The following ERBB2 variants were observed in gnomAD, a reference collection of about 807,000 sequenced individuals.
ERBB2 encodes the protein receptor tyrosine-protein kinase erbB-2.
Under a neutral mutation model 149.0 loss-of-function variants are expected in ERBB2, and 61 were observed. The observed-to-expected ratio is 0.41, with a 90% CI of 0.33 to 0.51. The LOEUF (loss-of-function observed/expected upper bound fraction) is 0.51, where lower values mean the gene tolerates loss of function less well. Ranked by LOEUF, ERBB2 falls within the 20% of genes least tolerant of loss-of-function variation. The pLI, the probability that ERBB2 is intolerant of heterozygous loss-of-function variation, is 0.25. For missense variants in ERBB2, 1,205 were observed against 1,655.1 expected (o/e 0.73, Z 4.72); for synonymous variants, 633 against 678.8 (o/e 0.93, Z 1.05).
At chr17:39,710,229 T>G (rs2058716181) in intron 6 of ERBB2, 28 bp downstream of exon 6, 1 of 1,609,634 alleles carries the variant, frequency 6.2e-7, no homozygotes, top group Non-Finnish European at 8.5e-7. Context: ...GTGCCCAATG[T>G]GCTCTACCCC....
chr17:39,697,913 C>T (rs573196625), upstream of ERBB2, among the ~76,000 whole-genome samples: 9 of 151,788 alleles, frequency 5.9e-5, no homozygotes, highest in Non-Finnish European at 1.3e-4. Context: ...AGGCTGGTCT[C>T]GAACTCCTGA....
rs765387989 is a variant in ERBB2 at position 39,723,420 on chromosome 17, G to C, written c.2048G>C (p.Arg683Pro). 4 of 1,614,078 alleles carry C rather than the reference G, an allele frequency of 2.5e-6. No individual in the cohort carries two copies. In the Admixed American group the frequency reaches 6.7e-5, roughly 27 times the overall value. ...ILIKRRQQKI[R>P]KYTMRRLLQE... ...ATCAAGCGACGGCAGCAGAAGATCCGGAAGTACACGATGCGGAGACTGCTG... is the reference window on the plus strand; with the variant it reads ...ATCAAGCGACGGCAGCAGAAGATCCCGAAGTACACGATGCGGAGACTGCTG... Residue 683 changes from arginine (R) to proline (P), a missense_variant, in exon 17 of 27, where the codon CGG becomes CCG. Arg to Pro is a moderately radical substitution (Grantham distance 103). Around this residue, in one of 6 missense-constraint regions of ERBB2, gnomAD observed 569 missense variants for 803.5 expected, o/e 0.71. Coordinates refer to ENST00000269571, the MANE Select transcript of ERBB2 (RefSeq NM_004448.4). The surrounding 1 kb of genome is among the most constrained non-coding windows in gnomAD (Gnocchi z 6.2).
intron 15 of ERBB2, 56 bp from the exon 16 acceptor site, chr17:39,719,731 G>C: frequency 1.3e-6 from 2 of 1,571,264 alleles, no homozygotes; most frequent in Non-Finnish European, 1.8e-6. Context: ...AGGCTGGAAA[G>C]GTGGTTCCCA....
At position 39,716,598 on chromosome 17, in the gene ERBB2, T is replaced by G. The variant is rs778479390; in HGVS notation, c.1730T>G (p.Phe577Cys). 1.2e-6 allele frequency: 2 copies of G among 1,613,900 alleles called. No individual in the cohort carries two copies. The highest frequency in any genetic ancestry group is 1.7e-6 in the Non-Finnish European group (2 of 1,179,944). ...CCCCAGAATGGCTCAGTGACCTGTTTTGGACCGGTGAGCTGCTGGCGGGCT... is the reference window on the plus strand; with the variant it reads ...CCCCAGAATGGCTCAGTGACCTGTTGTGGACCGGTGAGCTGCTGGCGGGCT... The part of the protein sequence containing the change: ...CQPQNGSVTC[F>C]GPEADQCVAC... The change falls in exon 14 of 27, where the codon TTT (phenylalanine) becomes TGT (cysteine). Residue 577 changes from phenylalanine to cysteine, a missense_variant. Around this residue, in one of 6 missense-constraint regions of ERBB2, gnomAD observed 569 missense variants for 803.5 expected, o/e 0.71. Transcript: ENST00000269571.
chr17:39,712,101 C>G (rs1470127089), intron 8 of ERBB2, 54 bp downstream of exon 8: 1 of 1,611,786 alleles, frequency 6.2e-7, no homozygotes, highest in South Asian at 1.1e-5. Context: ...TCTGCGCATG[C>G]AGCCTGGCCC....
chr17:39,711,885 C>T (rs370852887), intron 7 of ERBB2, 43 bp from the exon 8 acceptor site: 46 of 1,612,468 alleles, frequency 2.9e-5, no homozygotes, highest in Admixed American at 8.3e-5. Context: ...TGGTGGTGCA[C>T]GAAGGGCCAG....
At chr17:39,704,600 G>T (rs894352801) in intron 1 of ERBB2, among the ~76,000 whole-genome samples, 1 of 152,130 alleles carries the variant, frequency 6.6e-6, no homozygotes, top group Non-Finnish European at 1.5e-5. Context: ...GGACAGGGCA[G>T]ATATGGGGAC....
intron 15 of ERBB2, among the ~76,000 whole-genome samples, chr17:39,718,345 T>C (rs1258354366): frequency 6.6e-6 from 1 of 152,220 alleles, no homozygotes; most frequent in Non-Finnish European, 1.5e-5. Flanking sequence ...ACGTGCCCTT[T>C]CACTCAACTC....
chr17:39,707,688 C>T (rs1340159770), intron 2 of ERBB2: 1 of 153,156 alleles, frequency 6.5e-6, no homozygotes, highest in Admixed American at 6.5e-5. Context: ...AATGGGGCCA[C>T]ATGCTTGGTT....
intron 11 of ERBB2, 75 bp downstream of exon 11, chr17:39,715,611 A>G (rs2059075143): frequency 6.4e-7 from 1 of 1,552,990 alleles, no homozygotes; most frequent in Non-Finnish European, 8.9e-7. Flanking sequence ...TTTGGGCCTG[A>G]GGGAGTACTC....
intron 1 of ERBB2, among the ~76,000 whole-genome samples, chr17:39,705,915 C>T (rs1042455530): frequency 6.6e-6 from 1 of 152,128 alleles, no homozygotes; most frequent in Non-Finnish European, 1.5e-5. Context: ...CCCTCTGCCC[C>T]CACCCTTCCG....
At position 39,727,434 on chromosome 17, in the gene ERBB2, G is replaced by A. The variant is rs1390533531; in HGVS notation, c.3299G>A (p.Ser1100Asn). ...LGMGAAKGLQSLPTHDPSPLQ... is the reference protein window; with the variant it reads ...LGMGAAKGLQNLPTHDPSPLQ... ...ATGGGGGCAGCCAAGGGGCTGCAAA[G>A]CCTCCCCACACATGACCCCAGCCCT... is the stretch of plus-strand genomic sequence containing the variant. Residue 1100 changes from serine (S) to asparagine (N), a missense_variant, in exon 26 of 27, where the codon AGC (serine) becomes AAC (asparagine). By Grantham distance (46) the Ser-to-Asn change is conservative (BLOSUM62 1). This residue lies in a region of ERBB2 where 312 missense variants were observed against 343.8 expected (regional missense o/e 0.91). Coordinates refer to ENST00000269571, the MANE Select transcript of ERBB2 (RefSeq NM_004448.4). This position sits in a 1 kb window ranked among gnomAD's most constrained non-coding sequence, Gnocchi z 4.3. 1.2e-6 allele frequency: 2 copies of A among 1,611,632 alleles called. No homozygotes were observed. Among genetic ancestry groups the A allele is most frequent in the Admixed American group, 1.7e-5 (1 of 59,076 alleles).
rs1442246817 is a variant in ERBB2 at position 39,700,278 on chromosome 17, G to A, written c.40G>A (p.Ala14Thr). The A allele has an allele frequency of 7.0e-7, 1 of 1,432,252 alleles. No individual in the cohort carries two copies. The highest frequency in any genetic ancestry group is 9.1e-7 in the Non-Finnish European group (1 of 1,095,074). 88.7% of individuals were successfully genotyped at this position (1,432,252 alleles called of 1,614,324 possible). A position where few individuals can be genotyped will look rare whatever the true frequency, so the allele number is the denominator to read the frequency against. Residue 14 changes from alanine to threonine, a missense_variant, in exon 1 of 27, where the codon GCC (alanine) becomes ACC (threonine). By Grantham distance (58) the Ala-to-Thr change is moderately conservative. Around this residue, in one of 6 missense-constraint regions of ERBB2, gnomAD observed 101 missense variants for 95.1 expected, o/e 1.06. Coordinates refer to ENST00000269571, the MANE Select transcript of ERBB2 (RefSeq NM_004448.4). ...CTTGTGCCGCTGGGGGCTCCTCCTC[G>A]CCCTCTTGCCCCCCGGAGCCGCGAG... is the stretch of plus-strand genomic sequence containing the variant. ...AALCRWGLLLALLPPGAASTQ... is the reference protein window; with the variant it reads ...AALCRWGLLLTLLPPGAASTQ...
In ERBB2 at chr17:39,727,977, C is replaced by T. The variant is rs2143316649; in HGVS notation, c.3701C>T (p.Pro1234Leu). Residue 1234 changes from proline to leucine, a missense_variant, in exon 27 of 27, where the codon CCC (proline) becomes CTC (leucine). Around this residue, in one of 6 missense-constraint regions of ERBB2, gnomAD observed 312 missense variants for 343.8 expected, o/e 0.91. Transcript: ENST00000269571. The surrounding 1 kb of genome is among the most constrained non-coding windows in gnomAD (Gnocchi z 4.3). ...DQDPPERGAPPSTFKGTPTAE... is the reference protein window; with the variant it reads ...DQDPPERGAPLSTFKGTPTAE... ...GACCCACCAGAGCGGGGGGCTCCAC[C>T]CAGCACCTTCAAAGGGACACCTACG... is the stretch of plus-strand genomic sequence containing the variant. 6.2e-7 allele frequency: 1 copy of T among 1,613,512 alleles called. No individual in the cohort carries two copies. Among genetic ancestry groups the T allele is most frequent in the Non-Finnish European group, 8.5e-7 (1 of 1,179,942 alleles).
At position 39,723,776 on chromosome 17, in the gene ERBB2, C is replaced by G. The variant is rs1157403826; in HGVS notation, c.2208+116C>G. 3 of 1,503,162 alleles carry G rather than the reference C, an allele frequency of 2.0e-6. No individual in the cohort carries two copies. Among genetic ancestry groups the G allele is most frequent in the Non-Finnish European group, 1.8e-6 (2 of 1,108,004 alleles). 93.1% of individuals were successfully genotyped at this position (1,503,162 alleles called of 1,614,324 possible). ...GCTGGAGGCAGTGTTTGGGGGAGGGCAGTTACAGCGGAGAAGGGAGCGGGG... is the reference window on the plus strand; with the variant it reads ...GCTGGAGGCAGTGTTTGGGGGAGGGGAGTTACAGCGGAGAAGGGAGCGGGG... On this transcript the variant is annotated intron_variant, in intron 18 of 26. Transcript: ENST00000269571. The surrounding 1 kb of genome is among the most constrained non-coding windows in gnomAD (Gnocchi z 6.2).
In ERBB2 at chr17:39,722,614, C is replaced by T. The variant is rs1597883003; in HGVS notation, c.1947-705C>T. ...GCTGGCAGTGTAAATGTTCTGAGCA[C>T]GTGTAAGCCAGGCTAGGTGTCTTAA... On this transcript the variant is annotated intron_variant, in intron 16 of 26. Coordinates refer to ENST00000269571, the MANE Select transcript of ERBB2 (RefSeq NM_004448.4). Among the ~76,000 whole-genome samples, 3 of 152,278 alleles carry T rather than the reference C, an allele frequency of 2.0e-5. No individual in the cohort carries two copies. In the East Asian group the frequency reaches 5.8e-4, roughly 29 times the overall value.
upstream of ERBB2, among the ~76,000 whole-genome samples, chr17:39,691,574 T>TATAC (rs1244087250): frequency 3.3e-3 from 408 of 122,032 alleles, 2 homozygotes; most frequent in South Asian, 4.9e-3. Context: ...TATATATATA[T>TATAC]ACACACACAC....
upstream of ERBB2, chr17:39,699,732 TAAA>T: frequency 1.5e-6 from 1 of 679,924 alleles, no homozygotes; most frequent in Non-Finnish European, 2.5e-6. Flanking sequence ...ACCTGAGACT[TAAA>T]AGGGTGTTAA....
chr17:39,724,302 G>GCTCTGTCA (rs1277534624), intron 19 of ERBB2, among the ~76,000 whole-genome samples: 12 of 35,660 alleles, frequency 3.4e-4, no homozygotes, highest in African/African-American at 8.5e-4. Flanking sequence ...ACAGAGTCTC[G>GCTCTGTCA]CTCTGTCACC....
Sources: gnomAD v4.1 joint callset for allele counts (sites outside exome capture counted in the v4.1 genomes callset) on GRCh38, gnomAD v4.1.1 for gene constraint, gnomAD v4.1.1 regional missense constraint, Gnocchi (gnomAD v3.1) non-coding constraint, MANE v1.5 for transcripts, NCBI Gene and HGNC (gene_info 2026-07-23, HGNC 2026-07-21) for gene names.